ASPHD2: variants seen among roughly 807,000 people sequenced by gnomAD.
ASPHD2 encodes the protein aspartate beta-hydroxylase domain containing 2.
Under a neutral mutation model 34.6 loss-of-function variants are expected in ASPHD2, and 12 were observed. That is an observed-to-expected ratio of 0.35 (90% CI 0.22 to 0.56). The LOEUF (loss-of-function observed/expected upper bound fraction) is 0.56. Among genes scored for constraint, ASPHD2 ranks in the 20% least tolerant of loss-of-function variants. ASPHD2 has a pLI of 0.87. For synonymous variants in ASPHD2, 224 were observed against 212.2 expected, an observed-to-expected ratio of 1.06 and a Z score of -0.48; for missense variants, 375 against 505.0, an observed-to-expected ratio of 0.74 and a Z score of 2.47.
At position 26,434,486 on chromosome 22, in the gene ASPHD2, A is replaced by G; in HGVS notation, c.871A>G (p.Ile291Val). ...GCACTATGGACCCACCAACATCCGC[A>G]TCCGATGCCATTTAGGTATGTTGCA... ...TEHYGPTNIR[I>V]RCHLGLKTPN... Residue 291 changes from isoleucine (I) to valine (V), a missense_variant, in exon 2 of 4, where the codon ATC (isoleucine) becomes GTC (valine). By Grantham distance (29) the Ile-to-Val change is conservative. This residue lies in a region of ASPHD2 where 142 missense variants were observed against 217.9 expected (regional missense o/e 0.65). Coordinates refer to ENST00000215906, the MANE Select transcript of ASPHD2 (RefSeq NM_020437.5). 1.3e-6 allele frequency: 2 copies of G among 1,588,900 alleles called. No individual in the cohort carries two copies. Among genetic ancestry groups the G allele is most frequent in the South Asian group, 1.1e-5 (1 of 89,892 alleles).
chr22:26,431,602 A>G (rs1481943128), intron 1 of ASPHD2, among the ~76,000 whole-genome samples: 1 of 152,192 alleles, frequency 6.6e-6, no homozygotes, highest in African/African-American at 2.4e-5. Flanking sequence ...GCAGTTAATG[A>G]GCACCTAAGG....
chr22:26,440,427 G>A (rs140186376), intron 2 of ASPHD2, among the ~76,000 whole-genome samples: 2 of 152,158 alleles, frequency 1.3e-5, no homozygotes, highest in Non-Finnish European at 2.9e-5. Flanking sequence ...CGCCTCCTGG[G>A]TTCAAGCAAT....
At chr22:26,438,484 TATATAG>T (rs1272107114) in intron 2 of ASPHD2, among the ~76,000 whole-genome samples, 9 of 96,696 alleles carry the variant, frequency 9.3e-5, no homozygotes, top group South Asian at 3.1e-4. Context: ...TATATACATA[TATATAG>T]ATACACACAT....
intron 3 of ASPHD2, 130 bp downstream of exon 3, chr22:26,442,702 A>G (rs2084859216): frequency 3.1e-6 from 2 of 647,756 alleles, no homozygotes; most frequent in Non-Finnish European, 5.3e-6. Flanking sequence ...CCCATAACAC[A>G]TATACACACA....
Position 26,429,723 on chromosome 22 carries a change from C to A in ASPHD2, c.-225+237C>A, listed in dbSNP as rs1034333587. Among the ~76,000 whole-genome samples, 2 of 152,152 alleles carry A rather than the reference C, an allele frequency of 1.3e-5. No homozygotes were observed. Among genetic ancestry groups the A allele is most frequent in the South Asian group, 4.1e-4 (2 of 4,826 alleles). ...CCGCCGCCTCGGAGCCGGGCATCAC[C>A]CTCCCTAGACCTCCTCCTACTCCTC... On this transcript the variant is annotated intron_variant, in intron 1 of 3. Transcript: ENST00000215906. This position sits in a 1 kb window ranked among gnomAD's most constrained non-coding sequence, Gnocchi z 4.5.
intron 2 of ASPHD2, among the ~76,000 whole-genome samples, chr22:26,440,853 A>G (rs919587369): frequency 6.6e-6 from 1 of 152,254 alleles, no homozygotes; most frequent in African/African-American, 2.4e-5. Flanking sequence ...GGGAGACTAC[A>G]GTAAACACAG....
At chr22:26,438,708 G>A (rs1308210778) in intron 2 of ASPHD2, among the ~76,000 whole-genome samples, 1 of 148,746 alleles carries the variant, frequency 6.7e-6, no homozygotes, top group Admixed American at 6.7e-5. Flanking sequence ...TATATATAAA[G>A]GGGAGTTTAT....
intron 1 of ASPHD2, among the ~76,000 whole-genome samples, chr22:26,431,563 T>G (rs551278558): frequency 4.6e-5 from 7 of 152,220 alleles, no homozygotes; most frequent in African/African-American, 7.2e-5. Flanking sequence ...CAAGTGATTA[T>G]TCAACCGAAA....
chr22:26,440,354 G>A (rs1285457630), intron 2 of ASPHD2, among the ~76,000 whole-genome samples: 4 of 151,874 alleles, frequency 2.6e-5, no homozygotes, highest in Non-Finnish European at 5.9e-5. Flanking sequence ...CCAGGCTGGA[G>A]TGCAGTGGTG....
At chr22:26,437,711 A>G (rs956059528) in intron 2 of ASPHD2, among the ~76,000 whole-genome samples, 2 of 152,204 alleles carry the variant, frequency 1.3e-5, no homozygotes, top group African/African-American at 4.8e-5. Context: ...GGGTGGTAAC[A>G]GTAGATCAGC....
Position 26,434,201 on chromosome 22 carries a change from C to G in ASPHD2, c.586C>G (p.Gln196Glu). 6.2e-7 allele frequency: 1 copy of G among 1,613,872 alleles called. No homozygotes were observed. The change falls in exon 2 of 4, where the codon CAG becomes GAG. Residue 196 changes from glutamine (Q) to glutamate (E), a missense_variant. Transcript: ENST00000215906. ...TGTGGAAGTGCTGGAACGGAACTTC[C>G]AGACCATCCTGTGTGAGTTTGAGAC... is the stretch of plus-strand genomic sequence containing the variant. ...HDVEVLERNF[Q>E]TILCEFETLY...
intron 2 of ASPHD2, among the ~76,000 whole-genome samples, chr22:26,438,636 T>TATATAC (rs2084815563): frequency 1.2e-4 from 6 of 49,368 alleles, no homozygotes; most frequent in South Asian, 1.1e-3. Flanking sequence ...TATATATACA[T>TATATAC]ATATATATAC....
In ASPHD2 at chr22:26,443,634, AAAAC is replaced by A. The variant is rs2084876814; in HGVS notation, c.*429_*432del. 6.6e-6 allele frequency: 1 copy of A among 151,780 alleles called. No homozygotes were observed. The highest frequency in any genetic ancestry group is 6.6e-5 in the Admixed American group (1 of 15,240). 9.4% of individuals were successfully genotyped at this position (151,780 alleles called of 1,614,324 possible). A position where few individuals can be genotyped will look rare whatever the true frequency, so the allele number is the denominator to read the frequency against. On this transcript the variant is annotated 3_prime_UTR_variant, in exon 4 of 4. Transcript: ENST00000215906. ...GTGGTCATCTTAAAAAAAAAAAAAA[AAAAC>A]TAAAAACTGCAAACCAGAGAGCTAG... is the stretch of plus-strand genomic sequence containing the variant.
At chr22:26,438,582 C>CATATATACACATACATAT (rs1416623036) in intron 2 of ASPHD2, among the ~76,000 whole-genome samples, 2 of 137,748 alleles carry the variant, frequency 1.5e-5, no homozygotes, top group South Asian at 4.8e-4. Flanking sequence ...CATATATATA[C>CATATATACACATACATAT]ATACATATAT....
rs1289812733 is a variant in ASPHD2 at position 26,443,464 on chromosome 22, A to G, written c.*258A>G. 6 of 428,578 alleles carry G rather than the reference A, an allele frequency of 1.4e-5. No homozygotes were observed. The East Asian group carries it at 2.9e-4, about 21-fold the overall frequency. The allele number at this position is 428,578 out of a possible 1,614,324, so 26.5% of individuals were successfully genotyped here. A position where few individuals can be genotyped will look rare whatever the true frequency, so the allele number is the denominator to read the frequency against. On this transcript the variant is annotated 3_prime_UTR_variant, in exon 4 of 4. Coordinates refer to ENST00000215906, the MANE Select transcript of ASPHD2 (RefSeq NM_020437.5). ...TTCAGAGACTCCTTTCTGGCCTAAC[A>G]GCGCATTCCTTTGATTGGTCCTTGA...
At chr22:26,432,036 A>G (rs985039163) in intron 1 of ASPHD2, among the ~76,000 whole-genome samples, 29 of 152,324 alleles carry the variant, frequency 1.9e-4, no homozygotes, top group African/African-American at 6.3e-4. Flanking sequence ...TCTCTACTAA[A>G]AATACAAAAT....
At chr22:26,441,382 G>A (rs2084836509) in intron 2 of ASPHD2, among the ~76,000 whole-genome samples, 1 of 151,772 alleles carries the variant, frequency 6.6e-6, no homozygotes, top group Non-Finnish European at 1.5e-5. Flanking sequence ...AGAGGGTGAG[G>A]CTGGAGCATC....
At chr22:26,437,692 G>A (rs560186935) in intron 2 of ASPHD2, among the ~76,000 whole-genome samples, 1 of 152,272 alleles carries the variant, frequency 6.6e-6, no homozygotes, top group East Asian at 1.9e-4. Flanking sequence ...ATTTCTAGGT[G>A]GTCTAGCCGG....
intron 2 of ASPHD2, among the ~76,000 whole-genome samples, chr22:26,438,452 CAT>C (rs1179581270): frequency 7.9e-6 from 1 of 126,530 alleles, no homozygotes; most frequent in Non-Finnish European, 1.7e-5. Flanking sequence ...CATATATATA[CAT>C]ATATATACAC....
Sources: allele counts gnomAD v4.1 joint callset (sites outside exome capture counted in the v4.1 genomes callset), GRCh38; gene constraint gnomAD v4.1.1; regional missense constraint gnomAD v4.1.1; non-coding constraint Gnocchi (gnomAD v3.1); transcripts MANE v1.5; gene names NCBI Gene and HGNC (gene_info 2026-07-23, HGNC 2026-07-21).